The following PHYHIPL variants were observed in gnomAD, a reference collection of about 807,000 sequenced individuals.
PHYHIPL encodes the protein phytanoyl-CoA hydroxylase-interacting protein-like.
In PHYHIPL, 9 loss-of-function variants were observed where a neutral mutation model predicts 33.4. The observed-to-expected ratio is 0.27, with a 90% CI of 0.16 to 0.47. The LOEUF is 0.47. Among genes scored for constraint, PHYHIPL ranks in the 20% least tolerant of loss-of-function variants. The pLI is 0.99. For missense variants in PHYHIPL, 365 were observed against 460.7 expected (o/e 0.79, Z 1.90); for synonymous variants, 153 against 154.1 (o/e 0.99, Z 0.05).
At chr10:59,182,227 A>T (rs1838430554) in intron 1 of PHYHIPL, among the ~76,000 whole-genome samples, 1 of 151,928 alleles carries the variant, frequency 6.6e-6, no homozygotes, top group South Asian at 2.1e-4. Flanking sequence ...TCCTTCTTGG[A>T]TTTATTTTCC....
chr10:59,226,005 CTG>C (rs1839912400), intron 1 of PHYHIPL, among the ~76,000 whole-genome samples: 1 of 151,986 alleles, frequency 6.6e-6, no homozygotes, highest in African/African-American at 2.4e-5. Context: ...AATGACAATT[CTG>C]TGTTTTTTTA....
At chr10:59,201,740 G>A (rs977116332) in intron 1 of PHYHIPL, among the ~76,000 whole-genome samples, 1 of 151,930 alleles carries the variant, frequency 6.6e-6, no homozygotes, top group Non-Finnish European at 1.5e-5. Context: ...AATGAAATTT[G>A]GAATTAAAAT....
chr10:59,233,707 C>CTTTT (rs946398442), intron 1 of PHYHIPL, among the ~76,000 whole-genome samples: 27 of 151,698 alleles, frequency 1.8e-4, no homozygotes, highest in Admixed American at 8.6e-4. Flanking sequence ...TGGCAGTCAT[C>CTTTT]TTTTTTCTTT....
At position 59,234,374 on chromosome 10, in the gene PHYHIPL, C is replaced by A; in HGVS notation, c.177C>A (p.Ser59Arg). ...ELPVPHNIKI[S>R]NITCDSFKIS... ...CTGTACCACATAACATCAAAATAAG[C>A]AATATAACGTGTGACTCATTCAAGA... Residue 59 changes from serine (S) to arginine (R), a missense_variant, in exon 2 of 5, where the codon AGC (serine) becomes AGA (arginine). Physicochemically the swap from Ser to Arg is moderately radical, Grantham distance 110 (BLOSUM62 -1). Coordinates refer to ENST00000373880, the MANE Select transcript of PHYHIPL (RefSeq NM_032439.4). 6.2e-7 allele frequency: 1 copy of A among 1,601,834 alleles called. No homozygotes were observed. The highest frequency in any genetic ancestry group is 8.5e-7 in the Non-Finnish European group (1 of 1,175,582).
Position 59,245,320 on chromosome 10 carries a change from C to T in PHYHIPL, c.860C>T (p.Pro287Leu), listed in dbSNP as rs1437770481. 1 of 1,614,066 alleles carries T rather than the reference C, an allele frequency of 6.2e-7. No homozygotes were observed. The highest frequency in any genetic ancestry group is 8.5e-7 in the Non-Finnish European group (1 of 1,180,040). ...AYHYVILVIA[P>L]VGSPGDEFCK... ...CATTATGTGATTCTTGTTATTGCTC[C>T]TGTGGGATCACCAGGAGATGAATTT... is the stretch of plus-strand genomic sequence containing the variant. The change falls in exon 5 of 5, where the codon CCT becomes CTT. Residue 287 changes from proline to leucine, a missense_variant. Around this residue, in one of 4 missense-constraint regions of PHYHIPL, gnomAD observed 196 missense variants for 224.9 expected, o/e 0.87. Coordinates refer to ENST00000373880, the MANE Select transcript of PHYHIPL (RefSeq NM_032439.4).
chr10:59,188,379 C>G (rs182816150), intron 1 of PHYHIPL, among the ~76,000 whole-genome samples: 1 of 152,146 alleles, frequency 6.6e-6, no homozygotes, highest in Non-Finnish European at 1.5e-5. Context: ...GAGGGCTTTA[C>G]TTCCAACTAT....
Position 59,176,797 on chromosome 10 carries a change from C to T in PHYHIPL, c.-57C>T. ...CCCTTTCCCGCTCTTCTTGCCCACCCGGCCGGCAGAGAGAGCCTGGATACG... is the reference window on the plus strand; with the variant it reads ...CCCTTTCCCGCTCTTCTTGCCCACCTGGCCGGCAGAGAGAGCCTGGATACG... On this transcript the variant is annotated 5_prime_UTR_variant, in exon 1 of 5. Coordinates refer to ENST00000373880, the MANE Select transcript of PHYHIPL (RefSeq NM_032439.4). The T allele has an allele frequency of 1.3e-6, 2 of 1,493,930 alleles. No individual in the cohort carries two copies. Among genetic ancestry groups the T allele is most frequent in the East Asian group, 2.4e-5 (1 of 41,302 alleles). The allele number at this position is 1,493,930 out of a possible 1,614,324, so 92.5% of individuals were successfully genotyped here.
At chr10:59,190,674 A>G (rs1838758613) in intron 1 of PHYHIPL, among the ~76,000 whole-genome samples, 1 of 151,854 alleles carries the variant, frequency 6.6e-6, no homozygotes. Context: ...TCTTCAGCTT[A>G]TTAAAGAGCT....
intron 3 of PHYHIPL, among the ~76,000 whole-genome samples, chr10:59,237,712 T>C (rs1840267694): frequency 6.6e-6 from 1 of 151,922 alleles, no homozygotes; most frequent in Non-Finnish European, 1.5e-5. Flanking sequence ...TGCCACAGGC[T>C]AATCTACTTC....
chr10:59,213,440 A>T (rs979604073), intron 1 of PHYHIPL, among the ~76,000 whole-genome samples: 12 of 152,148 alleles, frequency 7.9e-5, no homozygotes, highest in Non-Finnish European at 1.6e-4. Flanking sequence ...GAATATTTAT[A>T]AAAAAATAAT....
rs71006239 is a variant in PHYHIPL at position 59,244,562 on chromosome 10, CAAAAAAAAAAA to C, written c.597-481_597-471del. On this transcript the variant is annotated intron_variant, in intron 4 of 4. Transcript: ENST00000373880. ...CTGGCAACAGAGTGAGACTCTGTCT[CAAAAAAAAAAA>C]AAAAAAAAAAAAAGCCAAAACAAAA... Among the ~76,000 whole-genome samples the C allele has an allele frequency of 2.2e-3, 87 of 39,554 alleles. 1 individual carries two copies. The highest frequency in any genetic ancestry group is 7.0e-3 in the African/African-American group (84 of 12,048). The allele number at this position is 39,554 out of a possible 152,430, so 25.9% of individuals were successfully genotyped here. A position where few individuals can be genotyped will look rare whatever the true frequency, so the allele number is the denominator to read the frequency against.
chr10:59,210,747 A>G (rs929596001), intron 1 of PHYHIPL, among the ~76,000 whole-genome samples: 1 of 152,210 alleles, frequency 6.6e-6, no homozygotes, highest in South Asian at 2.1e-4. Context: ...TGTGGCCATA[A>G]AAAAGGAACA....
rs181428832 is a variant in PHYHIPL, at chr10:59,179,458, C to T, written c.106+2499C>T. Among the ~76,000 whole-genome samples, 234 of 152,112 alleles carry T rather than the reference C, an allele frequency of 1.5e-3. 1 individual carries two copies. The highest frequency in any genetic ancestry group is 1.0e-2 in the South Asian group (48 of 4,814). ...ATTTATTTTGTTTGCTCTTTTCTCA[C>T]TTTCTTTTAATCTACTGTTAATTTG... is the stretch of plus-strand genomic sequence containing the variant. On this transcript the variant is annotated intron_variant, in intron 1 of 4. Transcript: ENST00000373880.
intron 1 of PHYHIPL, among the ~76,000 whole-genome samples, chr10:59,207,191 G>C (rs1316779828): frequency 1.3e-5 from 2 of 152,202 alleles, no homozygotes; most frequent in Non-Finnish European, 2.9e-5. Context: ...GATCAACACA[G>C]AAGGTGGGTG....
intron 1 of PHYHIPL, among the ~76,000 whole-genome samples, chr10:59,187,694 GA>G (rs1167024109): frequency 6.6e-6 from 1 of 152,138 alleles, no homozygotes; most frequent in African/African-American, 2.4e-5. Flanking sequence ...TTAGTCTTGG[GA>G]GGGTGTATGT....
At chr10:59,177,542 C>T (rs1161005790) in intron 1 of PHYHIPL, 2 of 1,551,722 alleles carry the variant, frequency 1.3e-6, no homozygotes, top group Non-Finnish European at 1.7e-6. Context: ...ACACAATCTT[C>T]ATGGTTCCTG....
intron 1 of PHYHIPL, among the ~76,000 whole-genome samples, chr10:59,203,527 T>A (rs370393876): frequency 6.6e-6 from 1 of 152,006 alleles, no homozygotes; most frequent in South Asian, 2.1e-4. Context: ...CAAATGTCCA[T>A]CAATGATAGA....
intron 1 of PHYHIPL, among the ~76,000 whole-genome samples, chr10:59,180,579 A>G (rs1192918995): frequency 6.6e-6 from 1 of 151,956 alleles, no homozygotes; most frequent in African/African-American, 2.4e-5. Flanking sequence ...CATAGGGTTT[A>G]TGATGTAGTC....
chr10:59,174,485 A>C (rs1838218139), upstream of PHYHIPL, among the ~76,000 whole-genome samples: 1 of 152,104 alleles, frequency 6.6e-6, no homozygotes, highest in Non-Finnish European at 1.5e-5. Context: ...AAGCCTAAAA[A>C]CTCGATTTAA....
Sources: gnomAD v4.1 joint callset for allele counts (sites outside exome capture counted in the v4.1 genomes callset) on GRCh38, gnomAD v4.1.1 for gene constraint, gnomAD v4.1.1 regional missense constraint, MANE v1.5 for transcripts, NCBI Gene and HGNC (gene_info 2026-07-23, HGNC 2026-07-21) for gene names.